Variants in PCBD2 observed in about 807,000 individuals in gnomAD.
PCBD2 encodes the protein pterin-4-alpha-carbinolamine dehydratase 2.
PCBD2 carries 12 observed loss-of-function variants against 16.4 expected under a neutral mutation model. The ratio of observed to expected loss-of-function variants is 0.73; its 90% CI spans 0.47 to 1.19. The LOEUF (loss-of-function observed/expected upper bound fraction) is 1.19. Ranked by LOEUF, PCBD2 falls within the 50% of genes most tolerant of loss-of-function variation. The probability of loss-of-function intolerance (pLI) is 0.00; values close to 1 mark genes in which losing one functional copy is unlikely to be tolerated. For synonymous variants in PCBD2, 58 were observed against 61.8 expected, an observed-to-expected ratio of 0.94 and a Z score of 0.29; for missense variants, 138 against 156.8, an observed-to-expected ratio of 0.88 and a Z score of 0.64.
rs535036351 is a variant in PCBD2 at position 134,921,716 on chromosome 5, C to G, written c.216+11250C>G. Among the ~76,000 whole-genome samples, 3 of 152,148 alleles carry G rather than the reference C, an allele frequency of 2.0e-5. No homozygotes were observed. The South Asian group carries it at 6.2e-4, about 32-fold the overall frequency. The stretch of plus-strand genomic sequence containing the variant: ...CTAGACCTGAAACGGAAGAATTATC[C>G]TGGTGATTTGTTACCAAGAACTGGT... On this transcript the variant is annotated intron_variant, in intron 2 of 3. Coordinates refer to ENST00000254908, the MANE Select transcript of PCBD2 (RefSeq NM_032151.5).
intron 1 of PCBD2, among the ~76,000 whole-genome samples, chr5:134,907,374 G>C (rs1455527083): frequency 2.0e-5 from 3 of 152,190 alleles, no homozygotes; most frequent in African/African-American, 7.2e-5. Flanking sequence ...CTCCTGAGTA[G>C]CTGAGACTAT....
At chr5:134,954,486 T>G (rs1292839062) in intron 2 of PCBD2, among the ~76,000 whole-genome samples, 3 of 152,242 alleles carry the variant, frequency 2.0e-5, no homozygotes, top group Non-Finnish European at 4.4e-5. Flanking sequence ...TGCTAATACC[T>G]TTGGTATAGT....
At position 134,960,793 on chromosome 5, in the gene PCBD2, G is replaced by GCAACACTC; in HGVS notation, c.*112_*113insCAACACTC. On this transcript the variant is annotated 3_prime_UTR_variant, in exon 4 of 4. Coordinates refer to ENST00000254908, the MANE Select transcript of PCBD2 (RefSeq NM_032151.5). ...CTTTTTCTCTTTTTTTTAAGACAGAGTGTTGCTCTGTCGCCCAGGCCAGAG... is the reference window on the plus strand; with the variant it reads ...CTTTTTCTCTTTTTTTTAAGACAGAGCAACACTCTGTTGCTCTGTCGCCCAGGCCAGAG... The GCAACACTC allele has an allele frequency of 1.1e-6, 1 of 893,982 alleles. No homozygotes were observed. Among genetic ancestry groups the GCAACACTC allele is most frequent in the Non-Finnish European group, 1.7e-6 (1 of 583,268 alleles). 55.4% of individuals were successfully genotyped at this position (893,982 alleles called of 1,614,324 possible).
At chr5:134,927,685 A>G (rs1181354784) in intron 2 of PCBD2, 15 of 398,184 alleles carry the variant, frequency 3.8e-5, no homozygotes, top group Non-Finnish European at 6.6e-5. Flanking sequence ...AAGATATAAA[A>G]TATGATTAGT....
chr5:134,940,459 T>TG (rs1486121617), intron 2 of PCBD2, among the ~76,000 whole-genome samples: 1 of 152,010 alleles, frequency 6.6e-6, no homozygotes, highest in Non-Finnish European at 1.5e-5. Context: ...ACCCTGGATG[T>TG]GCAGGTGGTC....
At chr5:134,906,273 G>C (rs2149528906) in intron 1 of PCBD2, among the ~76,000 whole-genome samples, 1 of 134,502 alleles carries the variant, frequency 7.4e-6, no homozygotes, top group South Asian at 2.3e-4. Context: ...GCGCGATCTC[G>C]GCGTATTGCA....
intron 2 of PCBD2, among the ~76,000 whole-genome samples, chr5:134,955,677 C>G (rs551923902): frequency 6.6e-6 from 1 of 152,232 alleles, no homozygotes; most frequent in African/African-American, 2.4e-5. Flanking sequence ...CTTCTAAACT[C>G]TTGTTGATTT....
At chr5:134,907,106 C>T (rs1279363048) in intron 1 of PCBD2, among the ~76,000 whole-genome samples, 1 of 152,256 alleles carries the variant, frequency 6.6e-6, no homozygotes. Context: ...GTGTGTTCTA[C>T]AGACTCCAGG....
intron 2 of PCBD2, among the ~76,000 whole-genome samples, chr5:134,911,791 G>C (rs1176887362): frequency 6.6e-6 from 1 of 152,308 alleles, no homozygotes; most frequent in African/African-American, 2.4e-5. Flanking sequence ...AGGAAACCTG[G>C]ACCAAGCAGA....
At chr5:134,912,851 G>C (rs562933838) in intron 2 of PCBD2, among the ~76,000 whole-genome samples, 4 of 152,306 alleles carry the variant, frequency 2.6e-5, no homozygotes, top group East Asian at 3.9e-4. Flanking sequence ...CTCACAACTC[G>C]TGAGTAGAGT....
chr5:134,910,586 T>A, intron 2 of PCBD2, 120 bp downstream of exon 2: 1 of 1,247,728 alleles, frequency 8.0e-7, no homozygotes, highest in Non-Finnish European at 1.1e-6. Flanking sequence ...TCTTCCCTTC[T>A]TTAAGAATTC....
chr5:134,914,469 G>A (rs866232432), intron 2 of PCBD2, among the ~76,000 whole-genome samples: 6 of 151,982 alleles, frequency 3.9e-5, no homozygotes, highest in African/African-American at 7.3e-5. Flanking sequence ...GCTGTGTTCC[G>A]CTGCTGTGCA....
rs549312458 is a variant in PCBD2, at chr5:134,906,841, A to G, written c.84+1618A>G. ...TCCCACAGCTAAAAGTAACAAAGTT[A>G]GGCCTTAGATCTAGTTTACTCTCTT... is the stretch of plus-strand genomic sequence containing the variant. On this transcript the variant is annotated intron_variant, in intron 1 of 3. Transcript: ENST00000254908. Among the ~76,000 whole-genome samples the G allele has an allele frequency of 2.6e-4, 39 of 152,354 alleles. 1 individual carries two copies. Among genetic ancestry groups the G allele is most frequent in the Non-Finnish European group, 4.6e-4 (31 of 68,038 alleles).
At chr5:134,949,625 C>T (rs1311825761) in intron 2 of PCBD2, among the ~76,000 whole-genome samples, 3 of 152,188 alleles carry the variant, frequency 2.0e-5, no homozygotes, top group Non-Finnish European at 4.4e-5. Context: ...CTGTTCCTCA[C>T]AGTTTAGTTG....
chr5:134,913,981 T>C (rs1447361885), intron 2 of PCBD2, among the ~76,000 whole-genome samples: 2 of 152,076 alleles, frequency 1.3e-5, no homozygotes, highest in Admixed American at 1.3e-4. Context: ...TGTTTTCACA[T>C]GTCAGGTTTG....
intron 2 of PCBD2, among the ~76,000 whole-genome samples, chr5:134,934,353 T>A (rs893138323): frequency 2.0e-5 from 3 of 152,168 alleles, no homozygotes; most frequent in Non-Finnish European, 2.9e-5. Flanking sequence ...ACACAACCAG[T>A]AATGTTGGGC....
chr5:134,952,095 A>G (rs1031895642), intron 2 of PCBD2, among the ~76,000 whole-genome samples: 2 of 151,040 alleles, frequency 1.3e-5, no homozygotes, highest in African/African-American at 4.9e-5. Flanking sequence ...GCCATTTTAA[A>G]TGATATCTTT....
rs1317163201 is a variant in PCBD2 at position 134,962,037 on chromosome 5, A to C, written c.*1356A>C. Among the ~76,000 whole-genome samples, 2 of 151,304 alleles carry C rather than the reference A, an allele frequency of 1.3e-5. No individual in the cohort carries two copies. The highest frequency in any genetic ancestry group is 6.6e-5 in the Admixed American group (1 of 15,184). Reference sequence around the variant, plus strand: ...CTGCCTCCCAAAGTCCAAGGATTACAGGTGTGAGCCATTGCCCCCAGCCAG... The same window carrying C: ...CTGCCTCCCAAAGTCCAAGGATTACCGGTGTGAGCCATTGCCCCCAGCCAG... On this transcript the variant is annotated 3_prime_UTR_variant, in exon 4 of 4. Transcript: ENST00000254908.
intron 2 of PCBD2, among the ~76,000 whole-genome samples, chr5:134,941,133 A>AG (rs1453757677): frequency 6.6e-6 from 1 of 151,522 alleles, no homozygotes; most frequent in African/African-American, 2.4e-5. Context: ...AAAAAAAAAA[A>AG]AAAAAAAGAA....
Sources: gnomAD v4.1 joint callset for allele counts (sites outside exome capture counted in the v4.1 genomes callset) on GRCh38, gnomAD v4.1.1 for gene constraint, MANE v1.5 for transcripts, NCBI Gene and HGNC (gene_info 2026-07-23, HGNC 2026-07-21) for gene names.